Variants in SLC3A2 observed in about 807,000 individuals in gnomAD.
The protein encoded by SLC3A2 is solute carrier family 3 member 2, also known as amino acid transporter heavy chain SLC3A2.
A neutral mutation model predicts 48.5 loss-of-function variants in SLC3A2; 32 were observed. The ratio of observed to expected loss-of-function variants is 0.66; its 90% CI spans 0.50 to 0.89. The LOEUF (loss-of-function observed/expected upper bound fraction) is 0.89, where lower values mean the gene tolerates loss of function less well. Among genes scored for constraint, SLC3A2 ranks in the 40% least tolerant of loss-of-function variants. The pLI, the probability that SLC3A2 is intolerant of heterozygous loss-of-function variation, is 0.00. For synonymous variants in SLC3A2, 277 were observed against 288.8 expected (o/e 0.96, Z 0.41); for missense variants, 587 against 680.7 (o/e 0.86, Z 1.53).
rs146834691 is a variant in SLC3A2 at position 62,860,715 on chromosome 11, T to G, written c.112+4334T>G. Among the ~76,000 whole-genome samples, 584 of 152,276 alleles carry G rather than the reference T, an allele frequency of 3.8e-3. 2 individuals carry two copies. Among genetic ancestry groups the G allele is most frequent in the African/African-American group, 0.013 (543 of 41,548 alleles). The stretch of plus-strand genomic sequence containing the variant: ...CTTTCCATTCCCATGAGGCCATATC[T>G]CAGGCTGTCTCAGTGGAGAGAAACC... On this transcript the variant is annotated intron_variant, in intron 1 of 9. Transcript: ENST00000377889.
intron 1 of SLC3A2, among the ~76,000 whole-genome samples, chr11:62,871,955 C>T (rs2085522126): frequency 6.6e-6 from 1 of 152,084 alleles, no homozygotes; most frequent in African/African-American, 2.4e-5. Flanking sequence ...CTCTGTCGCC[C>T]AGGCTGGAGT....
At chr11:62,859,427 C>G (rs1479569254) in intron 1 of SLC3A2, among the ~76,000 whole-genome samples, 2 of 152,174 alleles carry the variant, frequency 1.3e-5, no homozygotes, top group Non-Finnish European at 2.9e-5. Flanking sequence ...ATGTCTATTT[C>G]TTTCTACACA....
chr11:62,881,850 C>T lies in SLC3A2; in HGVS notation c.425-43C>T, dbSNP rs778611933. Reference sequence around the variant, plus strand: ...GAAGGGAGGGTGGGGAGGTCAGGGGCCTCTCAGAGGGGCCTCACTTGTTAA... The same window carrying T: ...GAAGGGAGGGTGGGGAGGTCAGGGGTCTCTCAGAGGGGCCTCACTTGTTAA... On this transcript the variant is annotated intron_variant, in intron 1 of 8. Coordinates refer to ENST00000338663, the MANE Select transcript of SLC3A2 (RefSeq NM_001013251.3). This position sits in a 1 kb window ranked among gnomAD's most constrained non-coding sequence, Gnocchi z 4.0. 2.9e-5 allele frequency: 46 copies of T among 1,598,988 alleles called. No homozygotes were observed. Among genetic ancestry groups the T allele is most frequent in the Non-Finnish European group, 3.9e-5 (46 of 1,169,688 alleles).
chr11:62,885,612 C>G lies in SLC3A2; in HGVS notation c.1143+4C>G, dbSNP rs951455570. 2.0e-5 allele frequency: 33 copies of G among 1,613,834 alleles called. No homozygotes were observed. The highest frequency in any genetic ancestry group is 2.7e-5 in the Non-Finnish European group (32 of 1,179,884). On this transcript the variant is annotated splice_donor_region_variant and intron_variant, in intron 7 of 8. Coordinates refer to ENST00000338663, the MANE Select transcript of SLC3A2 (RefSeq NM_001013251.3). ...TGCAGCTGCCCTTCCTGGACAGGTACTGCTTGCTGTCTTTCTGTCACAGGG... is the reference window on the plus strand; with the variant it reads ...TGCAGCTGCCCTTCCTGGACAGGTAGTGCTTGCTGTCTTTCTGTCACAGGG...
chr11:62,873,993 TTTTTTTTTTTTTTGG>T (rs2085545358), intron 1 of SLC3A2, among the ~76,000 whole-genome samples: 2 of 136,174 alleles, frequency 1.5e-5, no homozygotes, highest in African/African-American at 5.7e-5. Context: ...TTTTTTTTTT[TTTTTTTTTTTTTTGG>T]AGAAAGAGTC....
chr11:62,863,871 T>C (rs2085425916), intron 1 of SLC3A2, among the ~76,000 whole-genome samples: 1 of 152,194 alleles, frequency 6.6e-6, no homozygotes, highest in African/African-American at 2.4e-5. Context: ...GGGACTTGCA[T>C]TGTGCTTTTG....
chr11:62,871,991 C>T (rs891572480), intron 1 of SLC3A2, among the ~76,000 whole-genome samples: 1 of 152,176 alleles, frequency 6.6e-6, no homozygotes, highest in African/African-American at 2.4e-5. Flanking sequence ...CAGCTCACTG[C>T]AACCTCCGCC....
intron 3 of SLC3A2, chr11:62,884,148 G>A: frequency 1.9e-6 from 1 of 536,930 alleles, no homozygotes; most frequent in South Asian, 1.7e-5. Flanking sequence ...GTTAAACGAA[G>A]TTATGTTTAT....
In SLC3A2 at chr11:62,881,021, A is replaced by C; in HGVS notation, c.-3A>C. 6.4e-7 allele frequency: 1 copy of C among 1,561,616 alleles called. No homozygotes were observed. The highest frequency in any genetic ancestry group is 8.7e-7 in the Non-Finnish European group (1 of 1,150,568). ...GCGTCGTGTCGCCGGTTCTGCAGGC[A>C]CCATGAGCCAGGACACCGAGGTGGA... On this transcript the variant is annotated 5_prime_UTR_variant, in exon 1 of 9. Transcript: ENST00000338663. This position sits in a 1 kb window ranked among gnomAD's most constrained non-coding sequence, Gnocchi z 4.0.
chr11:62,860,297 C>T (rs1220830795), intron 1 of SLC3A2, among the ~76,000 whole-genome samples: 34 of 151,810 alleles, frequency 2.2e-4, no homozygotes, highest in Admixed American at 2.2e-3. Flanking sequence ...GTCAGGAGTT[C>T]GAGACCATCC....
intron 1 of SLC3A2, among the ~76,000 whole-genome samples, chr11:62,860,437 C>G (rs1281573557): frequency 2.0e-5 from 3 of 148,662 alleles, no homozygotes; most frequent in East Asian, 2.0e-4. Flanking sequence ...ACCTGGGCGA[C>G]AAGGCGAGAC....
upstream of SLC3A2, among the ~76,000 whole-genome samples, chr11:62,878,803 C>G (rs1370606938): frequency 6.8e-6 from 1 of 147,708 alleles, no homozygotes; most frequent in Non-Finnish European, 1.5e-5. Context: ...GAGACAGAGT[C>G]TCACTCTGTC....
Position 62,881,897 on chromosome 11 carries a change from G to A in SLC3A2, c.429G>A (p.Leu143=), listed in dbSNP as rs775951412. ...QGHGAGNLAG[L]KGRLDYLSSL... is the part of the protein sequence containing the mutation. ...TTAACCCAGCCCCCATTTCAGGTCT[G>A]AAGGGGCGTCTCGATTACCTGAGCT... Residue 143 remains leucine, a synonymous_variant, in exon 2 of 9, where the codon CTG becomes CTA. Transcript: ENST00000338663. The surrounding 1 kb of genome is among the most constrained non-coding windows in gnomAD (Gnocchi z 4.0). 1.2e-6 allele frequency: 2 copies of A among 1,613,898 alleles called. No individual in the cohort carries two copies. Among genetic ancestry groups the A allele is most frequent in the African/African-American group, 2.7e-5 (2 of 74,916 alleles).
Position 62,881,252 on chromosome 11 carries a change from T to A in SLC3A2, c.229T>A (p.Trp77Arg), listed in dbSNP as rs780885127. 3 of 1,585,170 alleles carry A rather than the reference T, an allele frequency of 1.9e-6. No individual in the cohort carries two copies. The highest frequency in any genetic ancestry group is 1.1e-5 in the South Asian group (1 of 87,260). Residue 77 changes from tryptophan (W) to arginine (R), a missense_variant, in exon 1 of 9, where the codon TGG becomes AGG. By Grantham distance (101) the Trp-to-Arg change is moderately radical (BLOSUM62 -3). Transcript: ENST00000338663. The surrounding 1 kb of genome is among the most constrained non-coding windows in gnomAD (Gnocchi z 4.0). ...ELLKVAGSPG[W>R]VRTRWALLLL... ...GCTGAAGGTGGCAGGCAGCCCCGGC[T>A]GGGTACGCACCCGCTGGGCACTGCT... is the stretch of plus-strand genomic sequence containing the variant.
intron 1 of SLC3A2, among the ~76,000 whole-genome samples, chr11:62,863,887 G>A (rs1035220719): frequency 6.6e-6 from 1 of 152,090 alleles, no homozygotes; most frequent in African/African-American, 2.4e-5. Flanking sequence ...TTTTGCCATA[G>A]GAGCTTGCCA....
At chr11:62,883,601 TACTG>T (rs1364024027) in intron 3 of SLC3A2, 5 of 206,934 alleles carry the variant, frequency 2.4e-5, no homozygotes, top group African/African-American at 1.2e-4. Context: ...TGGAAGCAGA[TACTG>T]ACACTGCTGG....
chr11:62,878,638 T>TC (rs887475956), upstream of SLC3A2, among the ~76,000 whole-genome samples: 3 of 150,586 alleles, frequency 2.0e-5, no homozygotes, highest in African/African-American at 7.3e-5. Context: ...GCTGATTTTT[T>TC]TTTTTTTTTT....
intron 5 of SLC3A2, among the ~76,000 whole-genome samples, 167 bp from the exon 6 acceptor site, chr11:62,885,010 T>C (rs886357016): frequency 1.3e-5 from 2 of 151,914 alleles, no homozygotes; most frequent in Admixed American, 1.3e-4. Flanking sequence ...TTTGTATTTT[T>C]AGTAGAGACG....
In SLC3A2 at chr11:62,881,884, C is replaced by T. The variant is rs759766081; in HGVS notation, c.425-9C>T. On this transcript the variant is annotated splice_polypyrimidine_tract_variant and intron_variant, in intron 1 of 8. Transcript: ENST00000338663. The surrounding 1 kb of genome is among the most constrained non-coding windows in gnomAD (Gnocchi z 4.0). ...GGGGCCTCACTTGTTAACCCAGCCC[C>T]CATTTCAGGTCTGAAGGGGCGTCTC... 1.2e-6 allele frequency: 2 copies of T among 1,613,168 alleles called. No individual in the cohort carries two copies. The highest frequency in any genetic ancestry group is 8.5e-7 in the Non-Finnish European group (1 of 1,179,414).
Sources: gnomAD v4.1 joint callset for allele counts (sites outside exome capture counted in the v4.1 genomes callset) on GRCh38, gnomAD v4.1.1 for gene constraint, Gnocchi (gnomAD v3.1) non-coding constraint, MANE v1.5 for transcripts, NCBI Gene and HGNC (gene_info 2026-07-23, HGNC 2026-07-21) for gene names.